Variants in LIMCH1 observed in about 807,000 individuals in gnomAD.
LIMCH1 encodes the protein LIM and calponin homology domains 1, also known as LIM and calponin homology domains-containing protein 1.
A neutral mutation model predicts 176.5 loss-of-function variants in LIMCH1; 113 were observed. The observed-to-expected ratio is 0.64, with a 90% CI of 0.55 to 0.75. LIMCH1 has a LOEUF of 0.75. Ranked by LOEUF, LIMCH1 falls within the 30% of genes least tolerant of loss-of-function variation. The pLI, the probability that LIMCH1 is intolerant of heterozygous loss-of-function variation, is 0.00. For missense variants in LIMCH1, 1,674 were observed against 1,814.9 expected (o/e 0.92, Z 1.41); for synonymous variants, 619 against 645.9 (o/e 0.96, Z 0.63).
intron 1 of LIMCH1, among the ~76,000 whole-genome samples, chr4:41,469,133 G>T (rs1272059029): frequency 3.3e-5 from 5 of 152,106 alleles, no homozygotes. Context: ...CTTTTATGAG[G>T]TGGGAATTAG....
intron 30 of LIMCH1, among the ~76,000 whole-genome samples, chr4:41,690,626 A>G (rs1293765253): frequency 6.6e-6 from 1 of 152,126 alleles, no homozygotes; most frequent in Non-Finnish European, 1.5e-5. Context: ...TTCCTTGGCT[A>G]TGAAGTAAAT....
At chr4:41,553,829 G>T (rs2080868504) in intron 1 of LIMCH1, among the ~76,000 whole-genome samples, 2 of 152,072 alleles carry the variant, frequency 1.3e-5, no homozygotes, top group African/African-American at 4.8e-5. Flanking sequence ...TTCATTTTTG[G>T]TTTACCTACT....
chr4:41,417,887 T>C (rs2060083846), intron 1 of LIMCH1, among the ~76,000 whole-genome samples: 1 of 152,254 alleles, frequency 6.6e-6, no homozygotes. Context: ...TATTATTTTA[T>C]ATTTAATGAA....
At chr4:41,561,981 G>A (rs760568609) in intron 1 of LIMCH1, among the ~76,000 whole-genome samples, 3 of 152,124 alleles carry the variant, frequency 2.0e-5, no homozygotes, top group African/African-American at 4.8e-5. Context: ...TTTTCTGCAC[G>A]TCTCACCCTC....
chr4:41,562,140 G>A (rs890259304), intron 1 of LIMCH1, among the ~76,000 whole-genome samples: 4 of 152,148 alleles, frequency 2.6e-5, no homozygotes, highest in Non-Finnish European at 5.9e-5. Context: ...GCATGAAAGA[G>A]TCACAGTCCT....
At chr4:41,492,288 G>A (rs1234194021) in intron 1 of LIMCH1, among the ~76,000 whole-genome samples, 2 of 152,140 alleles carry the variant, frequency 1.3e-5, no homozygotes, top group Non-Finnish European at 2.9e-5. Context: ...GGAATCCCAG[G>A]CACTGGGCAG....
intron 1 of LIMCH1, among the ~76,000 whole-genome samples, chr4:41,467,750 G>T (rs1561464051): frequency 6.6e-6 from 1 of 152,188 alleles, no homozygotes; most frequent in African/African-American, 2.4e-5. Context: ...TCACACAAAA[G>T]ATGATGTTCT....
At chr4:41,575,506 TTC>T (rs781011738) in intron 1 of LIMCH1, among the ~76,000 whole-genome samples, 2 of 151,012 alleles carry the variant, frequency 1.3e-5, no homozygotes, top group African/African-American at 5.0e-5. Flanking sequence ...CATAGAAATC[TTC>T]TGTCATGTTT....
chr4:41,595,265 C>T (rs1004774815), intron 1 of LIMCH1, among the ~76,000 whole-genome samples: 1 of 151,952 alleles, frequency 6.6e-6, no homozygotes, highest in African/African-American at 2.4e-5. Flanking sequence ...AGAAGAACAT[C>T]ATAGAGAAAG....
chr4:41,417,896 A>C (rs1188695803), intron 1 of LIMCH1, among the ~76,000 whole-genome samples: 1 of 152,206 alleles, frequency 6.6e-6, no homozygotes, highest in African/African-American at 2.4e-5. Flanking sequence ...ATATTTAATG[A>C]AATAAAGCAA....
intron 18 of LIMCH1, among the ~76,000 whole-genome samples, chr4:41,653,698 C>T (rs955775387): frequency 1.3e-5 from 2 of 152,308 alleles, no homozygotes; most frequent in Admixed American, 6.5e-5. Flanking sequence ...AAGGGCGGCC[C>T]GAGACCTGCT....
chr4:41,574,010 G>A (rs1459130149), intron 1 of LIMCH1, among the ~76,000 whole-genome samples: 1 of 151,980 alleles, frequency 6.6e-6, no homozygotes, highest in African/African-American at 2.4e-5. Context: ...CATCTGTGAG[G>A]GAATTTGTGC....
chr4:41,370,544 G>T (rs1019481700), intron 1 of LIMCH1, among the ~76,000 whole-genome samples: 4 of 152,124 alleles, frequency 2.6e-5, no homozygotes, highest in African/African-American at 9.7e-5. Flanking sequence ...TGCCTGTGGA[G>T]CTGAATGTTG....
intron 8 of LIMCH1, 145 bp downstream of exon 8, chr4:41,627,155 G>A: frequency 8.8e-7 from 1 of 1,131,612 alleles, no homozygotes; most frequent in South Asian, 1.7e-5. Flanking sequence ...TATGTACTTT[G>A]TAATGGGGGT....
intron 21 of LIMCH1, among the ~76,000 whole-genome samples, chr4:41,669,515 GTC>G (rs2094942925): frequency 6.6e-6 from 1 of 152,156 alleles, no homozygotes; most frequent in Non-Finnish European, 1.5e-5. Flanking sequence ...CATTCAGTAG[GTC>G]TAGGCTGGGG....
chr4:41,438,800 C>CA (rs970213336), intron 1 of LIMCH1, among the ~76,000 whole-genome samples: 1 of 152,162 alleles, frequency 6.6e-6, no homozygotes, highest in Non-Finnish European at 1.5e-5. Context: ...TCGCCCAGGC[C>CA]AGTTGGCCAA....
chr4:41,553,206 T>G (rs1414997794), intron 1 of LIMCH1, among the ~76,000 whole-genome samples: 1 of 152,208 alleles, frequency 6.6e-6, no homozygotes, highest in Non-Finnish European at 1.5e-5. Flanking sequence ...TGCCAGCCAC[T>G]GTGCATTCGG....
chr4:41,360,701 C>A, upstream of LIMCH1: 1 of 470,322 alleles, frequency 2.1e-6, no homozygotes. The surrounding 1 kb of genome is among the most constrained non-coding windows in gnomAD (Gnocchi z 4.5). Context: ...GCGGCTCTCC[C>A]GGGACCTGCG....
intron 1 of LIMCH1, among the ~76,000 whole-genome samples, chr4:41,581,805 C>CAAAAAAAAAAAAAAA (rs56150312): frequency 3.9e-5 from 3 of 76,184 alleles, no homozygotes; most frequent in South Asian, 4.8e-4. Context: ...GACTCTGTCT[C>CAAAAAAAAAAAAAAA]AAAAAAAAAA....
Sources: gnomAD v4.1 joint callset for allele counts (sites outside exome capture counted in the v4.1 genomes callset) on GRCh38, gnomAD v4.1.1 for gene constraint, Gnocchi (gnomAD v3.1) non-coding constraint, MANE v1.5 for transcripts, NCBI Gene and HGNC (gene_info 2026-07-23, HGNC 2026-07-21) for gene names.